Variants in SLC4A4 observed in about 807,000 individuals in gnomAD.
The protein encoded by SLC4A4 is solute carrier family 4 member 4, also known as electrogenic sodium bicarbonate cotransporter 1.
In SLC4A4, 27 loss-of-function variants were observed where a neutral mutation model predicts 111.5. That is an observed-to-expected ratio of 0.24 (90% CI 0.18 to 0.33). The LOEUF (loss-of-function observed/expected upper bound fraction) is 0.33, where lower values mean the gene tolerates loss of function less well. Among genes scored for constraint, SLC4A4 ranks in the 10% least tolerant of loss-of-function variants. The probability of loss-of-function intolerance (pLI) is 1.00; values close to 1 mark genes in which losing one functional copy is unlikely to be tolerated. For missense variants in SLC4A4, 909 were observed against 1,315.5 expected (o/e 0.69, Z 4.78); for synonymous variants, 443 against 463.4 (o/e 0.96, Z 0.57).
chr4:71,074,062 GC>G (rs763862809), intron 1 of SLC4A4, among the ~76,000 whole-genome samples: 1 of 152,132 alleles, frequency 6.6e-6, no homozygotes, highest in Non-Finnish European at 1.5e-5. Context: ...CAGGAAAGGT[GC>G]TACTATAAGA....
intron 1 of SLC4A4, among the ~76,000 whole-genome samples, chr4:71,215,900 TC>T (rs1718398796): frequency 6.6e-6 from 1 of 151,474 alleles, no homozygotes; most frequent in Non-Finnish European, 1.5e-5. Context: ...CTTTGTCATT[TC>T]TATTTTTTTT....
At chr4:71,555,641 G>GT (rs541961961) in intron 21 of SLC4A4, among the ~76,000 whole-genome samples, 50 of 151,958 alleles carry the variant, frequency 3.3e-4, no homozygotes, top group Non-Finnish European at 6.5e-4. Flanking sequence ...ATAATCAAAA[G>GT]TTTTTTTACC....
chr4:71,424,174 G>T (rs1722848821), intron 7 of SLC4A4, among the ~76,000 whole-genome samples: 1 of 152,000 alleles, frequency 6.6e-6, no homozygotes, highest in Non-Finnish European at 1.5e-5. Flanking sequence ...TCAAAAAGTG[G>T]GCAAAGGACA....
chr4:71,195,385 G>A (rs962365769), intron 1 of SLC4A4, among the ~76,000 whole-genome samples: 4 of 151,920 alleles, frequency 2.6e-5, no homozygotes, highest in African/African-American at 9.7e-5. Flanking sequence ...TTATAAGGAC[G>A]TTTACATATT....
chr4:71,223,327 C>A (rs567816241), intron 1 of SLC4A4, among the ~76,000 whole-genome samples: 1 of 152,082 alleles, frequency 6.6e-6, no homozygotes, highest in Admixed American at 6.5e-5. Context: ...AGGCACCCAC[C>A]CCCGCGCCTG....
At chr4:71,421,137 G>GA (rs1247509742) in intron 7 of SLC4A4, among the ~76,000 whole-genome samples, 3 of 151,326 alleles carry the variant, frequency 2.0e-5, no homozygotes, top group African/African-American at 7.3e-5. Flanking sequence ...AAGGATGGAG[G>GA]AAGATCTACC....
At chr4:71,475,714 A>G (rs1728302941) in intron 14 of SLC4A4, among the ~76,000 whole-genome samples, 1 of 151,906 alleles carries the variant, frequency 6.6e-6, no homozygotes, top group South Asian at 2.1e-4. Context: ...TATTAGCCCC[A>G]TCTTCCTAAC....
chr4:71,461,261 C>T (rs73828155), intron 12 of SLC4A4, among the ~76,000 whole-genome samples: 4,288 of 152,130 alleles, frequency 0.028, 127 homozygotes, highest in African/African-American at 0.078. Flanking sequence ...CCACCTTTAT[C>T]TTCCATACTT....
chr4:71,350,245 A>G (rs1313064156), intron 5 of SLC4A4, among the ~76,000 whole-genome samples, 173 bp downstream of exon 5: 3 of 152,222 alleles, frequency 2.0e-5, no homozygotes, highest in Non-Finnish European at 4.4e-5. Context: ...TGAAAAATAC[A>G]CAAATATTAA....
intron 16 of SLC4A4, among the ~76,000 whole-genome samples, chr4:71,513,777 C>A (rs927940086): frequency 4.6e-5 from 7 of 151,904 alleles, no homozygotes; most frequent in African/African-American, 1.7e-4. Flanking sequence ...TGTACAAGGC[C>A]TTTATTATTT....
intron 1 of SLC4A4, among the ~76,000 whole-genome samples, chr4:71,089,033 C>T (rs530384384): frequency 3.4e-4 from 52 of 152,176 alleles, no homozygotes; most frequent in African/African-American, 8.4e-4. Flanking sequence ...CTGTCACTTT[C>T]GGTACACCAG....
chr4:71,202,358 A>G (rs143028047), intron 1 of SLC4A4, among the ~76,000 whole-genome samples: 3 of 152,254 alleles, frequency 2.0e-5, no homozygotes, highest in Non-Finnish European at 2.9e-5. Context: ...TATCTCCTTC[A>G]TATTCAAATG....
chr4:71,241,222 C>G (rs1403532491), intron 2 of SLC4A4, among the ~76,000 whole-genome samples: 2 of 152,074 alleles, frequency 1.3e-5, no homozygotes, highest in Non-Finnish European at 2.9e-5. Context: ...TGGTATTACT[C>G]CTGCTTGATT....
chr4:71,137,373 AGTCT>A (rs1743873989), intron 2 of SLC4A4, among the ~76,000 whole-genome samples: 1 of 152,202 alleles, frequency 6.6e-6, no homozygotes, highest in Non-Finnish European at 1.5e-5. Flanking sequence ...TCTAGACATC[AGTCT>A]GCCCAGCATT....
At chr4:71,488,845 G>T (rs190197402) in intron 15 of SLC4A4, among the ~76,000 whole-genome samples, 1 of 150,814 alleles carries the variant, frequency 6.6e-6, no homozygotes, top group Non-Finnish European at 1.5e-5. Flanking sequence ...AAATGTGAAG[G>T]TGCTATGTTC....
At chr4:71,143,340 G>A (rs979006582) in intron 2 of SLC4A4, among the ~76,000 whole-genome samples, 10 of 152,104 alleles carry the variant, frequency 6.6e-5, no homozygotes, top group Non-Finnish European at 1.3e-4. Flanking sequence ...TCTTAATCCA[G>A]TCTATCATTG....
intron 7 of SLC4A4, among the ~76,000 whole-genome samples, chr4:71,428,093 G>T (rs748371929): frequency 6.6e-6 from 1 of 152,106 alleles, no homozygotes; most frequent in Non-Finnish European, 1.5e-5. Context: ...GCAGAGAAGA[G>T]GAATAAATAG....
At chr4:71,505,266 T>G (rs1197156580) in intron 16 of SLC4A4, among the ~76,000 whole-genome samples, 2 of 152,088 alleles carry the variant, frequency 1.3e-5, no homozygotes, top group Admixed American at 6.6e-5. Context: ...ATATAAAACT[T>G]TATATATAAA....
intron 3 of SLC4A4, among the ~76,000 whole-genome samples, chr4:71,308,524 C>A (rs1725874154): frequency 6.6e-6 from 1 of 152,010 alleles, no homozygotes; most frequent in Non-Finnish European, 1.5e-5. Flanking sequence ...CTGAGGTAGC[C>A]AGTTCATCTC....
Sources: gnomAD v4.1 joint callset for allele counts (sites outside exome capture counted in the v4.1 genomes callset) on GRCh38, gnomAD v4.1.1 for gene constraint, MANE v1.5 for transcripts, NCBI Gene and HGNC (gene_info 2026-07-23, HGNC 2026-07-21) for gene names.